RAP1GAP2: variants seen among roughly 807,000 people sequenced by gnomAD.
RAP1GAP2 encodes the protein RAP1 GTPase activating protein 2.
In RAP1GAP2, 27 loss-of-function variants were observed where a neutral mutation model predicts 95.0. The observed-to-expected ratio is 0.28, with a 90% CI of 0.21 to 0.39. The LOEUF (loss-of-function observed/expected upper bound fraction) is 0.39. Among genes scored for constraint, RAP1GAP2 ranks in the 10% least tolerant of loss-of-function variants. The pLI, the probability that RAP1GAP2 is intolerant of heterozygous loss-of-function variation, is 1.00. For missense variants in RAP1GAP2, 771 were observed against 970.0 expected (o/e 0.79, Z 2.72); for synonymous variants, 373 against 380.9 (o/e 0.98, Z 0.24).
Position 2,963,306 on chromosome 17 carries a change from C to A in RAP1GAP2, c.247-124C>A. The A allele has an allele frequency of 9.2e-7, 1 of 1,081,512 alleles. No homozygotes were observed. The highest frequency in any genetic ancestry group is 1.4e-6 in the Non-Finnish European group (1 of 702,550). 67.0% of individuals were successfully genotyped at this position (1,081,512 alleles called of 1,614,324 possible). A position where few individuals can be genotyped will look rare whatever the true frequency, so the allele number is the denominator to read the frequency against. On this transcript the variant is annotated intron_variant, in intron 5 of 24. Coordinates refer to ENST00000254695, the MANE Select transcript of RAP1GAP2 (RefSeq NM_015085.5). This position sits in a 1 kb window ranked among gnomAD's most constrained non-coding sequence, Gnocchi z 4.8. ...CCAGAGCTGATTCTGAGCTGTTCTT[C>A]CATCGAATGTTCCTCCCTCAAAGCC...
At chr17:2,979,193 A>G (rs1410465238) in intron 8 of RAP1GAP2, among the ~76,000 whole-genome samples, 1 of 152,202 alleles carries the variant, frequency 6.6e-6, no homozygotes, top group Non-Finnish European at 1.5e-5. Context: ...TGAATGAATC[A>G]GGGGATCAGG....
Position 2,963,115 on chromosome 17 carries a change from G to C in RAP1GAP2, c.247-315G>C. 1 of 550,472 alleles carries C rather than the reference G, an allele frequency of 1.8e-6. No individual in the cohort carries two copies. The highest frequency in any genetic ancestry group is 3.2e-6 in the Non-Finnish European group (1 of 308,844). 34.1% of individuals were successfully genotyped at this position (550,472 alleles called of 1,614,324 possible). ...GGTCAGTCCGCCTGCCTGGAAAGGG[G>C]TGCTGGGGGAGACTAGGGGTCATTT... On this transcript the variant is annotated intron_variant, in intron 5 of 24. Transcript: ENST00000254695. The surrounding 1 kb of genome is among the most constrained non-coding windows in gnomAD (Gnocchi z 4.8).
rs368299618 is a variant in RAP1GAP2 at position 3,009,018 on chromosome 17, G to T, written c.1494+873G>T. ...GTGCTGCTGGATTGCCTGTTAGAAG[G>T]TGATTTGGAAACTCCCATCTGGGGG... On this transcript the variant is annotated intron_variant, in intron 17 of 24. Transcript: ENST00000254695. Among the ~76,000 whole-genome samples, 37 of 152,258 alleles carry T rather than the reference G, an allele frequency of 2.4e-4. No homozygotes were observed. In the East Asian group the frequency reaches 4.3e-3, roughly 17 times the overall value.
chr17:2,801,597 A>ATGTGTGTGTGTGTG lies in RAP1GAP2; in HGVS notation c.80+1086_80+1099dup, dbSNP rs71150898. Among the ~76,000 whole-genome samples, 173 of 121,942 alleles carry ATGTGTGTGTGTGTG rather than the reference A, an allele frequency of 1.4e-3. 3 individuals carry two copies. Among genetic ancestry groups the ATGTGTGTGTGTGTG allele is most frequent in the Non-Finnish European group, 1.8e-3 (108 of 58,570 alleles). The allele number at this position is 121,942 out of a possible 152,430, so 80.0% of individuals were successfully genotyped here. A position where few individuals can be genotyped will look rare whatever the true frequency, so the allele number is the denominator to read the frequency against. ...AGGACCTGACTAAACACTCCAGGGT[A>ATGTGTGTGTGTGTG]TGTGTGTGTGTGTGTGTGTGTGTGT... On this transcript the variant is annotated intron_variant, in intron 2 of 24. Coordinates refer to ENST00000254695, the MANE Select transcript of RAP1GAP2 (RefSeq NM_015085.5).
intron 1 of RAP1GAP2, among the ~76,000 whole-genome samples, chr17:2,761,964 T>C (rs889962367): frequency 6.6e-6 from 1 of 150,936 alleles, no homozygotes; most frequent in Non-Finnish European, 1.5e-5. Flanking sequence ...ATGTAGTTAT[T>C]GTCCGTTTAT....
chr17:2,861,477 CTTTTT>C (rs560177617), intron 2 of RAP1GAP2, among the ~76,000 whole-genome samples: 1 of 132,532 alleles, frequency 7.5e-6, no homozygotes, highest in Admixed American at 7.6e-5. Flanking sequence ...TCTCTGGGGT[CTTTTT>C]TTTTTTTTTT....
intron 2 of RAP1GAP2, among the ~76,000 whole-genome samples, chr17:2,819,795 C>CTTTT (rs539808008): frequency 0.014 from 1,917 of 138,184 alleles, 34 homozygotes; most frequent in African/African-American, 0.038. Flanking sequence ...TCTCTTTCTC[C>CTTTT]TTTTTTTTTT....
chr17:2,853,875 G>A (rs575440590), intron 2 of RAP1GAP2: 94 of 963,972 alleles, frequency 9.8e-5, no homozygotes, highest in Non-Finnish European at 1.1e-4. Context: ...GGCGGGGCGG[G>A]GCCCATGCGA....
At chr17:2,919,998 G>A (rs1383934007) in intron 3 of RAP1GAP2, among the ~76,000 whole-genome samples, 1 of 147,762 alleles carries the variant, frequency 6.8e-6, no homozygotes, top group Admixed American at 6.9e-5. Flanking sequence ...GCCGCATCTG[G>A]CCTCCTTTTT....
At chr17:2,811,849 G>A (rs1039064124) in intron 2 of RAP1GAP2, among the ~76,000 whole-genome samples, 2 of 152,094 alleles carry the variant, frequency 1.3e-5, no homozygotes, top group Non-Finnish European at 2.9e-5. Context: ...AAAGTGCTGG[G>A]ATTACAGGCG....
intron 2 of RAP1GAP2, among the ~76,000 whole-genome samples, chr17:2,771,399 C>T (rs528984922): frequency 6.6e-6 from 1 of 152,226 alleles, no homozygotes; most frequent in East Asian, 1.9e-4. Flanking sequence ...CCTGGCAACC[C>T]TTCTGCAGCC....
intron 2 of RAP1GAP2, among the ~76,000 whole-genome samples, chr17:2,801,148 C>CT (rs2069274972): frequency 6.6e-6 from 1 of 151,628 alleles, no homozygotes; most frequent in South Asian, 2.1e-4. Context: ...GCGCCTAGCC[C>CT]AGACCCATTA....
rs1019620606 is a variant in RAP1GAP2, at chr17:2,902,942, T to C, written c.81-2342T>C. 6.6e-5 allele frequency among the ~76,000 whole-genome samples: 10 copies of C among 152,028 alleles called. No individual in the cohort carries two copies. Among genetic ancestry groups the C allele is most frequent in the Non-Finnish European group, 1.5e-4 (10 of 68,014 alleles). The stretch of plus-strand genomic sequence containing the variant: ...ACACCTTGTGCCTGATGGGGAAAAA[T>C]AGACAGCATGACTGTGTGTATGAGC... On this transcript the variant is annotated intron_variant, in intron 2 of 24. Coordinates refer to ENST00000254695, the MANE Select transcript of RAP1GAP2 (RefSeq NM_015085.5). This position sits in a 1 kb window ranked among gnomAD's most constrained non-coding sequence, Gnocchi z 4.1.
intron 13 of RAP1GAP2, among the ~76,000 whole-genome samples, chr17:2,997,110 A>G (rs542146942): frequency 1.3e-5 from 2 of 152,192 alleles, no homozygotes; most frequent in East Asian, 3.9e-4. Context: ...ACAGCCCAAC[A>G]TGGTTCCAGG....
intron 11 of RAP1GAP2, among the ~76,000 whole-genome samples, chr17:2,988,830 G>A (rs1310827710): frequency 1.3e-5 from 2 of 152,216 alleles, no homozygotes; most frequent in Non-Finnish European, 2.9e-5. Context: ...GGGAGGCCGA[G>A]GTGGGCGGAT....
At chr17:2,905,149 C>G (rs1272037313) in intron 2 of RAP1GAP2, 135 bp from the exon 3 acceptor site, 4 of 699,828 alleles carry the variant, frequency 5.7e-6, no homozygotes, top group African/African-American at 1.8e-5. Flanking sequence ...TCCCAAAGTG[C>G]TGGGATTACT....
At chr17:2,920,514 C>T (rs920336979) in intron 3 of RAP1GAP2, among the ~76,000 whole-genome samples, 2 of 152,324 alleles carry the variant, frequency 1.3e-5, no homozygotes, top group African/African-American at 4.8e-5. Flanking sequence ...GGTCTGGGGA[C>T]AGAGCCCTTG....
At chr17:2,969,171 C>CTATCTATCTATCTATT (rs1228755045) in intron 8 of RAP1GAP2, among the ~76,000 whole-genome samples, 1 of 102,702 alleles carries the variant, frequency 9.7e-6, no homozygotes, top group Non-Finnish European at 2.2e-5. Context: ...CTTTATCTAT[C>CTATCTATCTATCTATT]TATCTATCTA....
At chr17:2,968,888 T>C (rs1354506275) in intron 8 of RAP1GAP2, among the ~76,000 whole-genome samples, 1 of 151,966 alleles carries the variant, frequency 6.6e-6, no homozygotes, top group Non-Finnish European at 1.5e-5. Flanking sequence ...AATATTAATA[T>C]AGAAAAGTAG....
Sources: allele counts gnomAD v4.1 joint callset (sites outside exome capture counted in the v4.1 genomes callset), GRCh38; gene constraint gnomAD v4.1.1; non-coding constraint Gnocchi (gnomAD v3.1); transcripts MANE v1.5; gene names NCBI Gene and HGNC (gene_info 2026-07-23, HGNC 2026-07-21).